Variants in CDH18 observed in about 807,000 individuals in gnomAD.
CDH18 encodes the protein cadherin 18.
In CDH18, 31 loss-of-function variants were observed where a neutral mutation model predicts 67.9. The observed-to-expected ratio is 0.46, with a 90% confidence interval of 0.34 to 0.62. The LOEUF is 0.62. Among genes scored for constraint, CDH18 ranks in the 20% least tolerant of loss-of-function variants. CDH18 has a pLI of 0.01. For missense variants in CDH18, 890 were observed against 975.5 expected (o/e 0.91, Z 1.17); for synonymous variants, 362 against 347.2 (o/e 1.04, Z -0.48).
intron 1 of CDH18, among the ~76,000 whole-genome samples, chr5:20,483,482 C>T: frequency 6.6e-6 from 1 of 151,726 alleles, no homozygotes; most frequent in African/African-American, 2.4e-5. Context: ...GCAAAATGAA[C>T]AAAATTGGAA....
chr5:20,414,468 T>C (rs1450202759), intron 1 of CDH18, among the ~76,000 whole-genome samples: 2 of 152,048 alleles, frequency 1.3e-5, no homozygotes, highest in African/African-American at 2.4e-5. Context: ...CTTCCCAAAA[T>C]TGAGGAGGAA....
At chr5:20,054,437 T>G (rs1741727358) in intron 2 of CDH18, among the ~76,000 whole-genome samples, 1 of 152,164 alleles carries the variant, frequency 6.6e-6, no homozygotes, top group Non-Finnish European at 1.5e-5. Context: ...AATAGCATGT[T>G]TAAGCAGGTC....
chr5:20,082,881 C>A (rs1452860780), intron 2 of CDH18, among the ~76,000 whole-genome samples: 1 of 152,172 alleles, frequency 6.6e-6, no homozygotes, highest in African/African-American at 2.4e-5. Context: ...AGATTCCTCC[C>A]CACAGCTCTC....
At chr5:20,263,449 C>T (rs920612984) in intron 1 of CDH18, among the ~76,000 whole-genome samples, 1 of 152,122 alleles carries the variant, frequency 6.6e-6, no homozygotes, top group African/African-American at 2.4e-5. Context: ...TTTTGGAAAG[C>T]TTGCATTTGT....
intron 1 of CDH18, among the ~76,000 whole-genome samples, chr5:20,321,208 GAGA>G (rs1231813894): frequency 6.6e-6 from 1 of 151,898 alleles, no homozygotes; most frequent in Non-Finnish European, 1.5e-5. Flanking sequence ...TCCAACCAAG[GAGA>G]AGAAGAGGCA....
intron 2 of CDH18, among the ~76,000 whole-genome samples, chr5:19,863,722 G>A (rs1478300015): frequency 1.3e-5 from 2 of 152,154 alleles, no homozygotes; most frequent in Admixed American, 1.3e-4. Flanking sequence ...GCAGAAGGGA[G>A]GCATAAAGCC....
intron 2 of CDH18, among the ~76,000 whole-genome samples, chr5:19,846,541 T>C (rs2150055564): frequency 6.6e-6 from 1 of 152,224 alleles, no homozygotes; most frequent in South Asian, 2.1e-4. Flanking sequence ...GTTCTATTTA[T>C]TAGTGGACGT....
intron 1 of CDH18, among the ~76,000 whole-genome samples, chr5:20,320,184 A>T (rs1737867466): frequency 6.6e-6 from 1 of 151,748 alleles, no homozygotes; most frequent in South Asian, 2.1e-4. Flanking sequence ...GGCAAAATAG[A>T]TTTAAGAATC....
intron 12 of CDH18, among the ~76,000 whole-genome samples, chr5:19,474,183 T>C (rs1738051668): frequency 6.6e-6 from 1 of 151,548 alleles, no homozygotes; most frequent in African/African-American, 2.4e-5. Context: ...GCCTTAACGT[T>C]AAACCCTTTA....
chr5:20,543,918 T>A lies in CDH18; in HGVS notation c.-580+31544A>T, dbSNP rs150290467. ...TTTTCTGAGGAAACTATTTTTGAAA[T>A]GTGAAAGGCAAATGTAATTTTATTT... On this transcript the variant is annotated intron_variant, in intron 1 of 14. Coordinates refer to the CDH18 transcript ENST00000507958. 3.3e-3 allele frequency among the ~76,000 whole-genome samples: 499 copies of A among 152,304 alleles called. 5 individuals are homozygous for A. Among genetic ancestry groups the A allele is most frequent in the African/African-American group, 0.012 (480 of 41,584 alleles).
chr5:20,384,520 CTT>C (rs1744162551), intron 1 of CDH18, among the ~76,000 whole-genome samples: 1 of 152,090 alleles, frequency 6.6e-6, no homozygotes, highest in Admixed American at 6.5e-5. Context: ...CATCTCGTGT[CTT>C]TGTGAATAAT....
At chr5:20,429,109 C>G (rs1268546072) in intron 1 of CDH18, among the ~76,000 whole-genome samples, 3 of 151,532 alleles carry the variant, frequency 2.0e-5, no homozygotes, top group Non-Finnish European at 4.4e-5. Flanking sequence ...TCTAATCTCT[C>G]TCCTCAAGAA....
intron 2 of CDH18, among the ~76,000 whole-genome samples, chr5:20,195,937 A>G (rs1437333740): frequency 6.6e-6 from 1 of 152,158 alleles, no homozygotes; most frequent in Non-Finnish European, 1.5e-5. Context: ...ACTTAACAAA[A>G]TCAAAAGTAA....
intron 4 of CDH18, among the ~76,000 whole-genome samples, chr5:19,739,599 C>T (rs1417907550): frequency 6.6e-6 from 1 of 152,160 alleles, no homozygotes; most frequent in African/African-American, 2.4e-5. Context: ...TTGTACAAAA[C>T]ACAAGCTAAC....
intron 9 of CDH18, among the ~76,000 whole-genome samples, chr5:19,531,062 T>C (rs780640786): frequency 1.3e-5 from 2 of 152,208 alleles, no homozygotes; most frequent in Non-Finnish European, 2.9e-5. Flanking sequence ...CTGGGAGCTG[T>C]AGACCGGAGC....
chr5:20,356,113 T>G (rs1230993981), intron 1 of CDH18, among the ~76,000 whole-genome samples: 1 of 152,234 alleles, frequency 6.6e-6, no homozygotes, highest in East Asian at 1.9e-4. Flanking sequence ...CTAGGCTCAG[T>G]GGCTCATGCC....
intron 2 of CDH18, among the ~76,000 whole-genome samples, chr5:20,252,889 T>C (rs1344102292): frequency 1.3e-5 from 2 of 151,592 alleles, no homozygotes; most frequent in Non-Finnish European, 1.5e-5. Flanking sequence ...TGAGCCGAGA[T>C]TGTGCCACTG....
At chr5:20,337,498 G>A (rs561895631) in intron 1 of CDH18, among the ~76,000 whole-genome samples, 1 of 152,164 alleles carries the variant, frequency 6.6e-6, no homozygotes, top group African/African-American at 2.4e-5. Flanking sequence ...AATCTCTAGG[G>A]CAGGGGCAAA....
intron 1 of CDH18, among the ~76,000 whole-genome samples, chr5:20,436,515 C>T (rs767798981): frequency 2.9e-4 from 44 of 151,614 alleles, no homozygotes; most frequent in Non-Finnish European, 5.0e-4. Flanking sequence ...TAACAGGACA[C>T]GTGGTAGCTC....
Sources: allele counts gnomAD v4.1 joint callset (sites outside exome capture counted in the v4.1 genomes callset), GRCh38; gene constraint gnomAD v4.1.1; transcripts MANE v1.5; gene names NCBI Gene and HGNC (gene_info 2026-07-23, HGNC 2026-07-21).